The following PTPRC variants were observed in gnomAD, a reference collection of about 807,000 sequenced individuals.
PTPRC encodes the protein protein tyrosine phosphatase receptor type C.
In PTPRC, 44 loss-of-function variants were observed where a neutral mutation model predicts 155.9. The observed-to-expected ratio is 0.28, with a 90% CI of 0.22 to 0.36. The LOEUF is 0.36. PTPRC is among the 10% of genes least tolerant of loss of function. PTPRC has a pLI of 1.00. For synonymous variants in PTPRC, 525 were observed against 533.1 expected (o/e 0.98, Z 0.21); for missense variants, 1,401 against 1,564.6 (o/e 0.90, Z 1.76).
chr1:198,665,501 C>G (rs2102272206), intron 2 of PTPRC, among the ~76,000 whole-genome samples: 1 of 152,218 alleles, frequency 6.6e-6, no homozygotes, highest in Admixed American at 6.5e-5. Flanking sequence ...AAAACTAGAA[C>G]AGCCAGGTCC....
chr1:198,709,944 G>T, intron 11 of PTPRC, 120 bp downstream of exon 11: 4 of 1,349,118 alleles, frequency 3.0e-6, no homozygotes, highest in East Asian at 2.4e-5. Context: ...TTAAGCATAT[G>T]CTTTTTATTT....
At chr1:198,649,974 C>A (rs115551251) in intron 2 of PTPRC, among the ~76,000 whole-genome samples, 1 of 151,754 alleles carries the variant, frequency 6.6e-6, no homozygotes, top group Admixed American at 6.6e-5. Context: ...ACAGAGTGAT[C>A]GGGGAAGATC....
At chr1:198,744,616 A>G (rs891369172) in intron 26 of PTPRC, among the ~76,000 whole-genome samples, 1 of 151,912 alleles carries the variant, frequency 6.6e-6, no homozygotes, top group Non-Finnish European at 1.5e-5. Flanking sequence ...AACTGGCTGG[A>G]GCTGGTAGAC....
chr1:198,721,438 A>G (rs997161423), intron 14 of PTPRC, among the ~76,000 whole-genome samples: 2 of 152,166 alleles, frequency 1.3e-5, no homozygotes, highest in African/African-American at 4.8e-5. Context: ...ACCCATGTCT[A>G]TATCGTTTGT....
At chr1:198,739,780 T>C (rs1190027421) in intron 23 of PTPRC, among the ~76,000 whole-genome samples, 2 of 151,784 alleles carry the variant, frequency 1.3e-5, no homozygotes, top group Non-Finnish European at 2.9e-5. Flanking sequence ...GAATACACAT[T>C]CTTCTCCTCA....
chr1:198,698,428 T>C (rs541495060), intron 4 of PTPRC, among the ~76,000 whole-genome samples: 7 of 152,288 alleles, frequency 4.6e-5, no homozygotes, highest in African/African-American at 1.7e-4. Context: ...GAATAAAGTC[T>C]ATATGAGTTA....
intron 3 of PTPRC, chr1:198,694,560 A>T (rs1666100019): frequency 2.0e-6 from 2 of 988,342 alleles, no homozygotes; most frequent in South Asian, 9.4e-5. Flanking sequence ...GATAAAGGGA[A>T]CTTGTTGAAA....
At chr1:198,703,506 T>G in intron 7 of PTPRC, 134 bp downstream of exon 7, 1 of 1,378,434 alleles carries the variant, frequency 7.3e-7, no homozygotes, top group Admixed American at 1.8e-5. Context: ...CTGAGGGTGA[T>G]GGAACAGCAG....
At chr1:198,678,877 T>A (rs1665116971) in intron 2 of PTPRC, among the ~76,000 whole-genome samples, 1 of 152,132 alleles carries the variant, frequency 6.6e-6, no homozygotes, top group African/African-American at 2.4e-5. Context: ...CATATTAATT[T>A]GATGACCCCA....
Position 198,749,412 on chromosome 1 carries a change from A to G in PTPRC, c.2939-4A>G, listed in dbSNP as rs748686031. The stretch of plus-strand genomic sequence containing the variant: ...AAGACTTACTACTGATTTATTTCAC[A>G]TAGATGACTATAACAGAGTGCCACT... On this transcript the variant is annotated splice_polypyrimidine_tract_variant and splice_region_variant and intron_variant, in intron 27 of 32. Transcript: ENST00000442510. The G allele has an allele frequency of 1.1e-5, 17 of 1,607,552 alleles. No individual in the cohort carries two copies. In the South Asian group the frequency reaches 1.2e-4, roughly 11 times the overall value.
At chr1:198,747,150 T>C (rs1241794130) in intron 26 of PTPRC, among the ~76,000 whole-genome samples, 1 of 151,574 alleles carries the variant, frequency 6.6e-6, no homozygotes, top group Non-Finnish European at 1.5e-5. Context: ...GTGGAAAGAC[T>C]GTAGGCAGGG....
chr1:198,662,755 A>G (rs1664049771), intron 2 of PTPRC, among the ~76,000 whole-genome samples: 3 of 152,212 alleles, frequency 2.0e-5, no homozygotes, highest in Non-Finnish European at 2.9e-5. Flanking sequence ...TACAGATACT[A>G]TAGATACCCT....
chr1:198,659,754 G>A (rs1000299115), intron 2 of PTPRC, among the ~76,000 whole-genome samples: 26 of 151,542 alleles, frequency 1.7e-4, no homozygotes, highest in East Asian at 1.9e-4. Flanking sequence ...GGCTGGTCTC[G>A]AGCTCCCAAC....
chr1:198,750,427 A>G lies in PTPRC; in HGVS notation c.3073-65A>G, dbSNP rs999425642. The G allele has an allele frequency of 2.1e-5, 32 of 1,510,164 alleles. No individual in the cohort carries two copies. The Admixed American group carries it at 3.5e-4, about 17-fold the overall frequency. The allele number at this position is 1,510,164 out of a possible 1,614,324, so 93.5% of individuals were successfully genotyped here. A position where few individuals can be genotyped will look rare whatever the true frequency, so the allele number is the denominator to read the frequency against. Reference sequence around the variant, plus strand: ...AAACTGACTATATTTCCAAATGGTTACTTTAAGAATCTACTGAGCTCTCTT... The same window carrying G: ...AAACTGACTATATTTCCAAATGGTTGCTTTAAGAATCTACTGAGCTCTCTT... On this transcript the variant is annotated intron_variant, in intron 28 of 32. Transcript: ENST00000442510.
chr1:198,681,500 G>A (rs1454414775), intron 2 of PTPRC, among the ~76,000 whole-genome samples: 4 of 152,188 alleles, frequency 2.6e-5, no homozygotes, highest in Non-Finnish European at 5.9e-5. Context: ...TGTGGTGATA[G>A]TGTTGCTGAA....
In PTPRC at chr1:198,744,119, T is replaced by A. The variant is rs1655033170; in HGVS notation, c.2763T>A (p.Asn921Lys). The stretch of plus-strand genomic sequence containing the variant: ...ATCAGTTTGGAGAAACAGAAGTGAA[T>A]TTGTCTGAATTACATCCATATCTAC... Reference protein sequence around the residue: ...EYNQFGETEVNLSELHPYLHN... With the variant: ...EYNQFGETEVKLSELHPYLHN... Residue 921 changes from asparagine to lysine, a missense_variant, in exon 26 of 33, where the codon AAT becomes AAA. Around this residue, in one of 3 missense-constraint regions of PTPRC, gnomAD observed 134 missense variants for 204.7 expected, o/e 0.65. Transcript: ENST00000442510. The A allele has an allele frequency of 1.2e-6, 2 of 1,604,042 alleles. No individual in the cohort carries two copies. The highest frequency in any genetic ancestry group is 8.5e-7 in the Non-Finnish European group (1 of 1,171,812).
At chr1:198,688,321 T>TACTGTTTTCCAGGATATTAA (rs1413114064) in intron 2 of PTPRC, among the ~76,000 whole-genome samples, 1 of 152,138 alleles carries the variant, frequency 6.6e-6, no homozygotes, top group African/African-American at 2.4e-5. Context: ...TTAGATATTA[T>TACTGTTTTCCAGGATATTAA]ACTGTTTTCC....
At chr1:198,696,952 A>C in intron 4 of PTPRC, 43 bp downstream of exon 4, 1 of 1,515,384 alleles carries the variant, frequency 6.6e-7, no homozygotes, top group Non-Finnish European at 9.2e-7. Context: ...AGGGAATGTC[A>C]TTTAGAAAAT....
intron 2 of PTPRC, among the ~76,000 whole-genome samples, chr1:198,646,565 T>A (rs978306438): frequency 6.6e-6 from 1 of 151,870 alleles, no homozygotes; most frequent in Non-Finnish European, 1.5e-5. Context: ...ATATTAACCA[T>A]TCTCAATTTT....
Sources: gnomAD v4.1 joint callset for allele counts (sites outside exome capture counted in the v4.1 genomes callset) on GRCh38, gnomAD v4.1.1 for gene constraint, gnomAD v4.1.1 regional missense constraint, MANE v1.5 for transcripts, NCBI Gene and HGNC (gene_info 2026-07-23, HGNC 2026-07-21) for gene names.